Variants in SEC14L3 observed in about 807,000 individuals in gnomAD.
The protein encoded by SEC14L3 is SEC14 like lipid binding 3.
In SEC14L3, 56 loss-of-function variants were observed where a neutral mutation model predicts 57.4. The observed-to-expected ratio is 0.97, with a 90% CI of 0.79 to 1.22. SEC14L3 has a LOEUF of 1.22. Among genes scored for constraint, SEC14L3 ranks in the 50% most tolerant of loss-of-function variants. SEC14L3 has a pLI of 0.00. For missense variants in SEC14L3, 485 were observed against 511.7 expected (o/e 0.95, Z 0.50); for synonymous variants, 173 against 194.4 (o/e 0.89, Z 0.92).
downstream of SEC14L3, among the ~76,000 whole-genome samples, chr22:30,454,593 T>TATATAATCTATAATAATATTATTAG (rs1569225042): frequency 1.0e-4 from 9 of 89,618 alleles, no homozygotes; most frequent in African/African-American, 4.5e-4. Context: ...AATATTATTA[T>TATATAATCTATAATAATATTATTAG]ATATAATCTA....
intron 12 of SEC14L3, among the ~76,000 whole-genome samples, chr22:30,449,559 TTTTCTTTTC>T (rs764833735): frequency 0.012 from 1,773 of 147,320 alleles, 31 homozygotes; most frequent in African/African-American, 0.043. Flanking sequence ...TTTTCTTTTC[TTTTCTTTTC>T]TTTTTTTTTT....
At chr22:30,448,847 G>A (rs753601770) in exon 13 of SEC14L3, 22 of 460,152 alleles carry the variant, frequency 4.8e-5, no homozygotes, top group Non-Finnish European at 7.4e-5. Flanking sequence ...AGCTATGATC[G>A]CACCACTGCA....
intron 12 of SEC14L3, among the ~76,000 whole-genome samples, chr22:30,451,906 G>A (rs747025395): frequency 2.1e-4 from 31 of 149,370 alleles, no homozygotes; most frequent in Non-Finnish European, 3.7e-4. Flanking sequence ...GCACGAGAAT[G>A]GCTTGAAGCC....
chr22:30,466,526 C>A, intron 6 of SEC14L3, 132 bp from the exon 7 acceptor site: 1 of 1,086,834 alleles, frequency 9.2e-7, no homozygotes, highest in Admixed American at 2.3e-5. Context: ...CCTCCCCTGG[C>A]CTCTGGAGGG....
At chr22:30,454,545 AT>A (rs1935048507), downstream of SEC14L3, among the ~76,000 whole-genome samples, 1 of 96,396 alleles carries the variant, frequency 1.0e-5, no homozygotes, top group Non-Finnish European at 2.0e-5. Context: ...TAATAATATT[AT>A]ATATAATCTA....
At chr22:30,460,200 C>G (rs546354453) in intron 11 of SEC14L3, 58 bp from the exon 12 acceptor site, 1 of 1,589,410 alleles carries the variant, frequency 6.3e-7, no homozygotes, top group African/African-American at 1.3e-5. Flanking sequence ...CTTTTTTCCA[C>G]CCCTGGCCAT....
intron 12 of SEC14L3, among the ~76,000 whole-genome samples, chr22:30,454,055 C>G (rs1032385938): frequency 6.6e-6 from 1 of 152,138 alleles, no homozygotes; most frequent in Non-Finnish European, 1.5e-5. Context: ...TCCCCAGGCA[C>G]TCCTGGCCTT....
At chr22:30,466,462 A>G in intron 6 of SEC14L3, 68 bp from the exon 7 acceptor site, 1 of 1,610,840 alleles carries the variant, frequency 6.2e-7, no homozygotes, top group East Asian at 2.2e-5. Context: ...CTCCTGTGCA[A>G]TCTCCTGTTG....
intron 1 of SEC14L3, among the ~76,000 whole-genome samples, chr22:30,471,486 G>A (rs1233896179): frequency 1.3e-5 from 2 of 152,220 alleles, no homozygotes; most frequent in East Asian, 3.9e-4. Flanking sequence ...TTTCTGCTCT[G>A]TCTCTTGGGC....
chr22:30,470,485 C>A (rs373258071), intron 2 of SEC14L3, 22 bp downstream of exon 2: 5 of 1,613,876 alleles, frequency 3.1e-6, no homozygotes, highest in Non-Finnish European at 3.4e-6. Context: ...CTGATCCCAA[C>A]CTCTCCCACC....
downstream of SEC14L3, among the ~76,000 whole-genome samples, chr22:30,455,069 TATATA>T (rs1311522422): frequency 2.1e-4 from 18 of 84,872 alleles, no homozygotes; most frequent in Admixed American, 3.1e-3. Flanking sequence ...TTATATATAA[TATATA>T]ATATATTAAA....
At chr22:30,461,843 A>C in intron 9 of SEC14L3, 149 bp from the exon 10 acceptor site, 2 of 1,179,160 alleles carry the variant, frequency 1.7e-6, no homozygotes, top group Non-Finnish European at 2.4e-6. Flanking sequence ...TGACCCTCCA[A>C]ACTGGGCCAG....
chr22:30,471,393 G>A, intron 1 of SEC14L3: 2 of 395,782 alleles, frequency 5.1e-6, no homozygotes, highest in Non-Finnish European at 9.8e-6. Flanking sequence ...CAAAACATCT[G>A]CTTTTTTTCA....
chr22:30,455,192 A>AT (rs1569225767), downstream of SEC14L3, among the ~76,000 whole-genome samples: 1 of 122,092 alleles, frequency 8.2e-6, no homozygotes, highest in Non-Finnish European at 1.6e-5. Context: ...TATTTAATAT[A>AT]TAATATAAAT....
intron 8 of SEC14L3, among the ~76,000 whole-genome samples, chr22:30,463,273 G>A (rs1001690273): frequency 1.3e-5 from 2 of 152,158 alleles, no homozygotes; most frequent in Admixed American, 6.5e-5. Context: ...CATGCCCTAT[G>A]TAAAGCTCTA....
chr22:30,471,654 A>T lies in SEC14L3; in HGVS notation c.54+251T>A, dbSNP rs552158308. 2.0e-5 allele frequency among the ~76,000 whole-genome samples: 3 copies of T among 152,212 alleles called. No homozygotes were observed. In the East Asian group the frequency reaches 5.8e-4, roughly 29 times the overall value. ...CTGGTTCTGGCTCCTGGATGAGAAG[A>T]AGTCAGGCTTGACTTGGGTGGGCAC... is the stretch of plus-strand genomic sequence containing the variant. On this transcript the variant is annotated intron_variant, in intron 1 of 11. Coordinates refer to ENST00000215812, the MANE Select transcript of SEC14L3 (RefSeq NM_174975.5).
At position 30,464,905 on chromosome 22, in the gene SEC14L3, T is replaced by A; in HGVS notation, c.581-2A>T. 6.2e-7 allele frequency: 1 copy of A among 1,613,814 alleles called. No homozygotes were observed. Among genetic ancestry groups the A allele is most frequent in the Non-Finnish European group, 8.5e-7 (1 of 1,179,722 alleles). On this transcript the variant is annotated splice_acceptor_variant, in intron 7 of 11. Coordinates refer to ENST00000215812, the MANE Select transcript of SEC14L3 (RefSeq NM_174975.5). LOFTEE classifies it high-confidence loss of function. ...AGCCCACAGGGAACAGTTTGGTAGC[T>A]GGAGAGATAGAAGTAAGGATAATGG... is the stretch of plus-strand genomic sequence containing the variant.
At chr22:30,469,044 A>G in intron 4 of SEC14L3, 2 of 1,132,150 alleles carry the variant, frequency 1.8e-6, no homozygotes, top group Non-Finnish European at 2.4e-6. Context: ...CTGGCTGGGC[A>G]TGGAGGCTCA....
At chr22:30,455,213 AT>A (rs1935098769), downstream of SEC14L3, among the ~76,000 whole-genome samples, 1 of 124,358 alleles carries the variant, frequency 8.0e-6, no homozygotes, top group South Asian at 2.3e-4. Context: ...TAATATAAAT[AT>A]TAAATAATAT....
Sources: allele counts gnomAD v4.1 joint callset (sites outside exome capture counted in the v4.1 genomes callset), GRCh38; gene constraint gnomAD v4.1.1; transcripts MANE v1.5; gene names NCBI Gene and HGNC (gene_info 2026-07-23, HGNC 2026-07-21).